SPECC1: variants seen among roughly 807,000 people sequenced by gnomAD.
SPECC1 encodes the protein sperm antigen with calponin homology and coiled-coil domains 1.
SPECC1 carries 62 observed loss-of-function variants against 104.1 expected under a neutral mutation model. The observed-to-expected ratio is 0.60, with a 90% CI of 0.49 to 0.74. SPECC1 has a LOEUF of 0.74. Among genes scored for constraint, SPECC1 ranks in the 30% least tolerant of loss-of-function variants. SPECC1 has a pLI of 0.00. For synonymous variants in SPECC1, 513 were observed against 501.6 expected, an observed-to-expected ratio of 1.02 and a Z score of -0.30; for missense variants, 1,306 against 1,310.5, an observed-to-expected ratio of 1.00 and a Z score of 0.05.
chr17:20,208,090 A>T (rs1194782972), intron 4 of SPECC1, among the ~76,000 whole-genome samples: 1 of 152,260 alleles, frequency 6.6e-6, no homozygotes, highest in East Asian at 1.9e-4. Flanking sequence ...ATTTAAAGGA[A>T]AGTGTGCATT....
chr17:20,089,397 C>CG (rs1164901510), intron 1 of SPECC1, among the ~76,000 whole-genome samples: 2 of 151,776 alleles, frequency 1.3e-5, no homozygotes, highest in Non-Finnish European at 2.9e-5. Context: ...AGGCTTGACG[C>CG]GGGAGGATCA....
At chr17:20,098,172 C>G (rs544826566) in intron 2 of SPECC1, among the ~76,000 whole-genome samples, 1 of 152,288 alleles carries the variant, frequency 6.6e-6, no homozygotes, top group Non-Finnish European at 1.5e-5. Flanking sequence ...ATGCCTTCCT[C>G]TCCATCTCTC....
At chr17:20,022,647 T>C (rs1003193412) in intron 1 of SPECC1, among the ~76,000 whole-genome samples, 1 of 152,230 alleles carries the variant, frequency 6.6e-6, no homozygotes, top group African/African-American at 2.4e-5. Context: ...ATTTCAGTCC[T>C]GGCTAGAGTG....
At chr17:20,103,685 A>G (rs2048048601) in intron 2 of SPECC1, among the ~76,000 whole-genome samples, 1 of 152,242 alleles carries the variant, frequency 6.6e-6, no homozygotes, top group Middle Eastern at 3.4e-3. Flanking sequence ...GGGCTGCTGC[A>G]GTCTCCCTAG....
chr17:20,256,471 A>G (rs921250318), intron 10 of SPECC1, among the ~76,000 whole-genome samples: 4 of 152,066 alleles, frequency 2.6e-5, no homozygotes, highest in African/African-American at 7.2e-5. Flanking sequence ...TTTCTCTGCT[A>G]TTTAGAGCTG....
chr17:20,137,637 G>T (rs144664151), intron 3 of SPECC1, among the ~76,000 whole-genome samples: 180 of 152,002 alleles, frequency 1.2e-3, no homozygotes, highest in African/African-American at 4.0e-3. Context: ...TCCTTTAAAA[G>T]GTTTTTTTAA....
intron 3 of SPECC1, among the ~76,000 whole-genome samples, chr17:20,182,139 G>A (rs562779115): frequency 2.7e-4 from 27 of 100,104 alleles, no homozygotes; most frequent in African/African-American, 1.2e-3. Flanking sequence ...TGGAGACAGG[G>A]CCTCACTCCA....
intron 1 of SPECC1, among the ~76,000 whole-genome samples, chr17:20,036,858 T>C (rs781070906): frequency 7.9e-5 from 12 of 152,236 alleles, no homozygotes; most frequent in Admixed American, 2.0e-4. Flanking sequence ...ATAAGAGCAA[T>C]GAGAGTGAAC....
rs531912350 is a variant in SPECC1, at chr17:20,107,144, CAAAAAA to C, written c.148-3263_148-3258del. On this transcript the variant is annotated intron_variant, in intron 2 of 14. Transcript: ENST00000395527. ...GGGCGACAGAGTGAGACTCGTGTCT[CAAAAAA>C]AAAAAAAAAAAAAAAAAAAGAAAAG... 6.3e-3 allele frequency among the ~76,000 whole-genome samples: 431 copies of C among 68,100 alleles called. 3 individuals are homozygous for C. Among genetic ancestry groups the C allele is most frequent in the Non-Finnish European group, 8.1e-3 (343 of 42,172 alleles). 44.7% of individuals were successfully genotyped at this position (68,100 alleles called of 152,430 possible).
intron 1 of SPECC1, among the ~76,000 whole-genome samples, chr17:20,051,072 C>CTTTTTCTT (rs57763736): frequency 3.5e-5 from 2 of 57,116 alleles, no homozygotes; most frequent in Non-Finnish European, 7.3e-5. Context: ...CTTTCTTTTT[C>CTTTTTCTT]TTTCTTTCTT....
chr17:20,172,678 C>A (rs555526522), intron 3 of SPECC1, among the ~76,000 whole-genome samples: 1 of 152,278 alleles, frequency 6.6e-6, no homozygotes, highest in East Asian at 1.9e-4. Context: ...AGAGTGAGGA[C>A]TGAAGCCAGG....
chr17:20,224,764 T>G (rs1401259418), intron 4 of SPECC1, among the ~76,000 whole-genome samples: 4 of 152,140 alleles, frequency 2.6e-5, no homozygotes, highest in Admixed American at 2.0e-4. Context: ...GATGGGGGAC[T>G]TTAGGAGCCT....
intron 12 of SPECC1, among the ~76,000 whole-genome samples, chr17:20,295,712 C>T (rs1407687385): frequency 6.6e-6 from 1 of 152,228 alleles, no homozygotes. Flanking sequence ...GATCACCATT[C>T]TAACTGGTGT....
chr17:20,291,729 G>C (rs2041171543), intron 12 of SPECC1, among the ~76,000 whole-genome samples: 1 of 152,032 alleles, frequency 6.6e-6, no homozygotes, highest in East Asian at 1.9e-4. Context: ...ATTTTTAGTA[G>C]AGATGGGATT....
chr17:20,197,989 GC>G (rs1265178741), intron 3 of SPECC1, among the ~76,000 whole-genome samples: 3 of 152,162 alleles, frequency 2.0e-5, no homozygotes, highest in Admixed American at 6.5e-5. Flanking sequence ...AATCTGACTG[GC>G]AAGAAATTCT....
chr17:20,260,302 A>G lies in SPECC1; in HGVS notation c.2940+8A>G, dbSNP rs2039980365. 1 of 1,612,560 alleles carries G rather than the reference A, an allele frequency of 6.2e-7. No homozygotes were observed. Reference sequence around the variant, plus strand: ...AAGACACAAGGTTATGCGGTAAGGGACAACATCAGCCAACTTCCAGCTGCC... The same window carrying G: ...AAGACACAAGGTTATGCGGTAAGGGGCAACATCAGCCAACTTCCAGCTGCC... On this transcript the variant is annotated splice_region_variant and intron_variant, in intron 12 of 14. Coordinates refer to ENST00000395527, the MANE Select transcript of SPECC1 (RefSeq NM_001243439.2).
chr17:20,199,206 C>T (rs530093188), intron 3 of SPECC1, among the ~76,000 whole-genome samples: 1 of 150,610 alleles, frequency 6.6e-6, no homozygotes, highest in East Asian at 2.0e-4. Context: ...CCTGCCTCAG[C>T]CTCCCAAGTA....
At position 20,144,053 on chromosome 17, in the gene SPECC1, C is replaced by T. The variant is rs182367173; in HGVS notation, c.283+33491C>T. ...ACTATGTGAGTTCACTGAGAGTCCT[C>T]GCTTTGAGAAAAGGTGACACACTCC... On this transcript the variant is annotated intron_variant, in intron 3 of 14. Coordinates refer to ENST00000395527, the MANE Select transcript of SPECC1 (RefSeq NM_001243439.2). 1.7e-4 allele frequency among the ~76,000 whole-genome samples: 26 copies of T among 152,092 alleles called. No homozygotes were observed. The East Asian group carries it at 2.7e-3, about 16-fold the overall frequency.
At chr17:20,142,641 G>T (rs537521214) in intron 3 of SPECC1, among the ~76,000 whole-genome samples, 131 of 152,244 alleles carry the variant, frequency 8.6e-4, no homozygotes, top group Admixed American at 3.5e-3. Flanking sequence ...CAGCGGCTGC[G>T]GGAGGAGGGA....
Sources: gnomAD v4.1 joint callset for allele counts (sites outside exome capture counted in the v4.1 genomes callset) on GRCh38, gnomAD v4.1.1 for gene constraint, MANE v1.5 for transcripts, NCBI Gene and HGNC (gene_info 2026-07-23, HGNC 2026-07-21) for gene names.